The following RNF217 variants were observed in gnomAD, a reference collection of about 807,000 sequenced individuals.
RNF217 encodes the protein E3 ubiquitin-protein ligase RNF217.
A neutral mutation model predicts 57.8 loss-of-function variants in RNF217; 31 were observed. That is an observed-to-expected ratio of 0.54 (90% CI 0.40 to 0.72). RNF217 has a LOEUF of 0.72. Among genes scored for constraint, RNF217 ranks in the 30% least tolerant of loss-of-function variants. The pLI, the probability that RNF217 is intolerant of heterozygous loss-of-function variation, is 0.00. For synonymous variants in RNF217, 313 were observed against 294.0 expected, an observed-to-expected ratio of 1.06 and a Z score of -0.66; for missense variants, 696 against 708.3, an observed-to-expected ratio of 0.98 and a Z score of 0.20.
chr6:125,091,271 C>T lies in RNF217; in HGVS notation c.*8334C>T, dbSNP rs1487715039. ...AGCACTAATGTATAATCCCTTTAAC[C>T]TTCCATATGGTGCTTTGTGTGATGA... On this transcript the variant is annotated 3_prime_UTR_variant, in exon 6 of 6. Coordinates refer to ENST00000521654, the MANE Select transcript of RNF217 (RefSeq NM_001286398.3). 3 of 151,996 alleles carry T rather than the reference C, an allele frequency of 2.0e-5. No individual in the cohort carries two copies. Among genetic ancestry groups the T allele is most frequent in the Admixed American group, 1.3e-4 (2 of 15,268 alleles). 9.4% of individuals were successfully genotyped at this position (151,996 alleles called of 1,614,324 possible).
chr6:125,064,874 T>G (rs190549273), intron 3 of RNF217, among the ~76,000 whole-genome samples: 1 of 152,214 alleles, frequency 6.6e-6, no homozygotes, highest in Non-Finnish European at 1.5e-5. Context: ...CTAGAAAATG[T>G]AGTGTACCTT....
At chr6:124,979,666 G>GGATCTATAGTATAGGTAATAGGATCT (rs1784086459) in intron 1 of RNF217, among the ~76,000 whole-genome samples, 1 of 149,474 alleles carries the variant, frequency 6.7e-6, no homozygotes, top group African/African-American at 2.4e-5. Context: ...AATAGGGTCA[G>GGATCTATAGTATAGGTAATAGGATCT]ATAGTATAGA....
chr6:125,053,945 A>T (rs1468266310), intron 2 of RNF217, among the ~76,000 whole-genome samples: 2 of 152,184 alleles, frequency 1.3e-5, no homozygotes, highest in Non-Finnish European at 2.9e-5. Context: ...ATCATCTGAT[A>T]ATATAGGAAT....
intron 1 of RNF217, among the ~76,000 whole-genome samples, chr6:125,024,212 TGGTTGAGGGAGAGAG>T (rs1785972609): frequency 6.6e-6 from 1 of 152,126 alleles, no homozygotes; most frequent in African/African-American, 2.4e-5. Flanking sequence ...ATTTTGTTGA[TGGTTGAGGGAGAGAG>T]GAAGCAGAAG....
At chr6:125,056,890 A>G (rs1238151454) in intron 2 of RNF217, among the ~76,000 whole-genome samples, 1 of 152,196 alleles carries the variant, frequency 6.6e-6, no homozygotes, top group Non-Finnish European at 1.5e-5. Context: ...AAAGGAAGTC[A>G]GATAAAATAT....
At chr6:125,036,171 G>A (rs1786607490) in intron 1 of RNF217, among the ~76,000 whole-genome samples, 1 of 152,112 alleles carries the variant, frequency 6.6e-6, no homozygotes. Context: ...GTGAGAACAT[G>A]CAGTGTTTGG....
chr6:125,019,028 C>A (rs928315744), intron 1 of RNF217, among the ~76,000 whole-genome samples: 1 of 152,086 alleles, frequency 6.6e-6, no homozygotes, highest in African/African-American at 2.4e-5. Context: ...AGGAAAAGAT[C>A]CTAGGTTACT....
chr6:124,989,756 A>T (rs1784487472), intron 1 of RNF217, among the ~76,000 whole-genome samples: 1 of 152,048 alleles, frequency 6.6e-6, no homozygotes, highest in African/African-American at 2.4e-5. Flanking sequence ...AGCAGGTTAG[A>T]TGTGGCCCAT....
At chr6:125,072,386 A>G (rs1394051245) in intron 3 of RNF217, among the ~76,000 whole-genome samples, 2 of 152,200 alleles carry the variant, frequency 1.3e-5, no homozygotes, top group Non-Finnish European at 2.9e-5. Flanking sequence ...TAATCCCAAA[A>G]TGTACAAGGT....
At chr6:125,057,852 T>G in intron 2 of RNF217, 90 bp from the exon 3 acceptor site, 1 of 1,118,716 alleles carries the variant, frequency 8.9e-7, no homozygotes, top group Non-Finnish European at 1.3e-6. Flanking sequence ...TTATAAACTT[T>G]TAGCTAATTT....
At chr6:125,039,356 G>A (rs187180615) in intron 1 of RNF217, among the ~76,000 whole-genome samples, 19 of 152,088 alleles carry the variant, frequency 1.2e-4, no homozygotes, top group South Asian at 2.1e-4. Context: ...ACAAAGAAGG[G>A]CATTACATAG....
intron 3 of RNF217, among the ~76,000 whole-genome samples, chr6:125,073,029 TTCCTTGG>T (rs1044029861): frequency 6.6e-6 from 1 of 152,212 alleles, no homozygotes; most frequent in African/African-American, 2.4e-5. Context: ...TTAGCGCTCT[TTCCTTGG>T]TAGATCACCC....
intron 1 of RNF217, among the ~76,000 whole-genome samples, chr6:125,012,726 G>A (rs1785457969): frequency 6.6e-6 from 1 of 152,104 alleles, no homozygotes; most frequent in Non-Finnish European, 1.5e-5. Flanking sequence ...TTTGTAATGT[G>A]CAAGTGTCAC....
At chr6:124,963,450 C>G (rs976245265) in intron 1 of RNF217, 24 bp downstream of exon 1, 3 of 1,442,012 alleles carry the variant, frequency 2.1e-6, no homozygotes, top group South Asian at 2.9e-5. Flanking sequence ...CTTCTCTTCC[C>G]CATTTATCAT....
chr6:125,012,676 T>C (rs1461291892), intron 1 of RNF217, among the ~76,000 whole-genome samples: 1 of 152,192 alleles, frequency 6.6e-6, no homozygotes, highest in Admixed American at 6.5e-5. Context: ...TAGCATAATA[T>C]GGTAGCAGAC....
chr6:125,074,313 ATAG>A (rs1788273050), intron 3 of RNF217, among the ~76,000 whole-genome samples: 1 of 147,872 alleles, frequency 6.8e-6, no homozygotes, highest in South Asian at 2.2e-4. Flanking sequence ...AGATAGATAG[ATAG>A]ATAGATAGAT....
intron 1 of RNF217, among the ~76,000 whole-genome samples, chr6:125,013,057 T>C (rs767241878): frequency 2.0e-5 from 3 of 152,212 alleles, no homozygotes; most frequent in Non-Finnish European, 2.9e-5. Context: ...AATTGAAACA[T>C]ACTTGAAATA....
intron 1 of RNF217, among the ~76,000 whole-genome samples, chr6:125,026,353 G>T (rs35310826): frequency 0.14 from 21,517 of 152,110 alleles, 1,932 homozygotes; most frequent in Non-Finnish European, 0.2. Flanking sequence ...TCCTGGTAGG[G>T]TCTTTATCAG....
intron 1 of RNF217, among the ~76,000 whole-genome samples, chr6:124,994,203 TAGGCA>T (rs1257607542): frequency 6.6e-5 from 10 of 152,312 alleles, no homozygotes; most frequent in African/African-American, 2.4e-4. Context: ...TTTTAAAATA[TAGGCA>T]GAATAGTCTA....
Sources: gnomAD v4.1 joint callset for allele counts (sites outside exome capture counted in the v4.1 genomes callset) on GRCh38, gnomAD v4.1.1 for gene constraint, MANE v1.5 for transcripts, NCBI Gene and HGNC (gene_info 2026-07-23, HGNC 2026-07-21) for gene names.